RASAL2: variants seen among roughly 807,000 people sequenced by gnomAD.
RASAL2 encodes ras GTPase-activating protein nGAP.
In RASAL2, 58 loss-of-function variants were observed where a neutral mutation model predicts 128.9. That is an observed-to-expected ratio of 0.45 (90% CI 0.36 to 0.56). The LOEUF (loss-of-function observed/expected upper bound fraction) is 0.56, where lower values mean the gene tolerates loss of function less well. Ranked by LOEUF, RASAL2 falls within the 20% of genes least tolerant of loss-of-function variation. The pLI is 0.00. For missense variants in RASAL2, 1,360 were observed against 1,601.6 expected (o/e 0.85, Z 2.57); for synonymous variants, 561 against 580.8 (o/e 0.97, Z 0.49).
intron 3 of RASAL2, among the ~76,000 whole-genome samples, chr1:178,305,183 TGG>T (rs1392873941): frequency 6.6e-6 from 1 of 152,198 alleles, no homozygotes; most frequent in African/African-American, 2.4e-5. Flanking sequence ...TTCATGTTCA[TGG>T]GTTGGAAGAA....
At chr1:178,411,022 A>G (rs530641177) in intron 4 of RASAL2, among the ~76,000 whole-genome samples, 1 of 152,216 alleles carries the variant, frequency 6.6e-6, no homozygotes, top group Non-Finnish European at 1.5e-5. Flanking sequence ...ACTACTGGAT[A>G]TCTACCCAGA....
At chr1:178,265,895 G>A (rs772326162) in intron 1 of RASAL2, among the ~76,000 whole-genome samples, 1 of 152,032 alleles carries the variant, frequency 6.6e-6, no homozygotes, top group Non-Finnish European at 1.5e-5. Context: ...TTTGCTCAAC[G>A]TTATATTTGT....
intron 1 of RASAL2, among the ~76,000 whole-genome samples, chr1:178,151,357 A>T (rs900145047): frequency 3.3e-5 from 5 of 152,158 alleles, no homozygotes; most frequent in African/African-American, 1.2e-4. Flanking sequence ...GTGAGCCGAG[A>T]TCGCACCACT....
At chr1:178,101,433 A>G (rs1352243297) in intron 1 of RASAL2, among the ~76,000 whole-genome samples, 2 of 152,066 alleles carry the variant, frequency 1.3e-5, no homozygotes, top group African/African-American at 4.8e-5. Flanking sequence ...TATCTTCAAC[A>G]TTGCTCGAGT....
chr1:178,247,379 G>A (rs1032289291), intron 1 of RASAL2, among the ~76,000 whole-genome samples: 8 of 151,938 alleles, frequency 5.3e-5, no homozygotes, highest in Non-Finnish European at 1.2e-4. Flanking sequence ...ATTCTCTGAT[G>A]GTAGTTTGAT....
intron 1 of RASAL2, among the ~76,000 whole-genome samples, chr1:178,253,079 G>A (rs1327626577): frequency 6.6e-6 from 1 of 152,092 alleles, no homozygotes; most frequent in Admixed American, 6.6e-5. Context: ...AGCAGGGTTG[G>A]TTCTTTCTCA....
intron 2 of RASAL2, among the ~76,000 whole-genome samples, chr1:178,296,196 T>A (rs528028925): frequency 1.3e-5 from 2 of 152,080 alleles, no homozygotes; most frequent in African/African-American, 4.8e-5. Context: ...TATATAAATA[T>A]GTGCCACATT....
At chr1:178,315,540 G>A (rs1668468413) in intron 3 of RASAL2, among the ~76,000 whole-genome samples, 1 of 142,726 alleles carries the variant, frequency 7.0e-6, no homozygotes, top group Non-Finnish European at 1.5e-5. Context: ...CTGATGGCCA[G>A]TGATGGTGAG....
chr1:178,133,771 A>G (rs953689779), intron 1 of RASAL2, among the ~76,000 whole-genome samples: 3 of 152,160 alleles, frequency 2.0e-5, no homozygotes, highest in African/African-American at 7.2e-5. Flanking sequence ...TAATAGTGCT[A>G]AGTTTGTCAG....
At chr1:178,247,593 T>G (rs997337124) in intron 1 of RASAL2, among the ~76,000 whole-genome samples, 3 of 152,204 alleles carry the variant, frequency 2.0e-5, no homozygotes. Context: ...ATCTTAGTTA[T>G]TTATTGCCTT....
intron 1 of RASAL2, among the ~76,000 whole-genome samples, chr1:178,099,356 C>T (rs973071042): frequency 1.4e-4 from 21 of 152,156 alleles, no homozygotes; most frequent in Admixed American, 1.2e-3. Context: ...TAAGAATAGA[C>T]AGTTTTTCAT....
intron 9 of RASAL2, among the ~76,000 whole-genome samples, chr1:178,447,673 TAA>T (rs60358768): frequency 0.028 from 1,562 of 55,596 alleles, 25 homozygotes; most frequent in African/African-American, 0.1. Context: ...CTCCTTCTCT[TAA>T]AAAAAAAAAA....
chr1:178,239,827 G>T (rs1407657554), intron 1 of RASAL2, among the ~76,000 whole-genome samples: 1 of 151,960 alleles, frequency 6.6e-6, no homozygotes, highest in Non-Finnish European at 1.5e-5. Context: ...CTATCCTCTT[G>T]ATGGCATCCT....
chr1:178,220,235 A>C (rs1663569878), intron 1 of RASAL2, among the ~76,000 whole-genome samples: 1 of 152,130 alleles, frequency 6.6e-6, no homozygotes, highest in African/African-American at 2.4e-5. Flanking sequence ...CTTTATAGAG[A>C]CACAAAGTAG....
At chr1:178,371,427 A>G (rs1421518234) in intron 3 of RASAL2, among the ~76,000 whole-genome samples, 1 of 151,560 alleles carries the variant, frequency 6.6e-6, no homozygotes, top group Non-Finnish European at 1.5e-5. Context: ...GAAGCCCAGA[A>G]TTGCCCCCAA....
chr1:178,285,580 A>G (rs1250668062), intron 2 of RASAL2, among the ~76,000 whole-genome samples: 1 of 152,250 alleles, frequency 6.6e-6, no homozygotes, highest in African/African-American at 2.4e-5. Context: ...TTATTAAAAT[A>G]ACTGAATAAA....
At chr1:178,355,605 A>C (rs1002869032) in intron 3 of RASAL2, among the ~76,000 whole-genome samples, 1 of 152,206 alleles carries the variant, frequency 6.6e-6, no homozygotes, top group Non-Finnish European at 1.5e-5. Flanking sequence ...TAGAAAAAGC[A>C]CCAATTATAA....
intron 1 of RASAL2, among the ~76,000 whole-genome samples, chr1:178,225,686 T>A (rs745816984): frequency 6.6e-6 from 1 of 150,596 alleles, no homozygotes; most frequent in Non-Finnish European, 1.5e-5. Context: ...TATGTATATA[T>A]ATGTACTATG....
At chr1:178,237,449 A>G (rs1269669555) in intron 1 of RASAL2, among the ~76,000 whole-genome samples, 1 of 152,160 alleles carries the variant, frequency 6.6e-6, no homozygotes, top group Non-Finnish European at 1.5e-5. Flanking sequence ...ATATAGTGGG[A>G]GAGTAATGAG....
Sources: gnomAD v4.1 joint callset for allele counts (sites outside exome capture counted in the v4.1 genomes callset) on GRCh38, gnomAD v4.1.1 for gene constraint, MANE v1.5 for transcripts, NCBI Gene and HGNC (gene_info 2026-07-23, HGNC 2026-07-21) for gene names.